The following VGLL4 variants were observed in gnomAD, a reference collection of about 807,000 sequenced individuals.
The protein encoded by VGLL4 is transcription cofactor vestigial-like protein 4.
In VGLL4, 7 loss-of-function variants were observed where a neutral mutation model predicts 21.0. The observed-to-expected ratio is 0.33, with a 90% confidence interval of 0.19 to 0.63. The LOEUF (loss-of-function observed/expected upper bound fraction) is 0.63. Among genes scored for constraint, VGLL4 ranks in the 20% least tolerant of loss-of-function variants. The pLI is 0.78. For missense variants in VGLL4, 394 were observed against 425.7 expected (o/e 0.93, Z 0.66); for synonymous variants, 222 against 173.2 (o/e 1.28, Z -2.21).
intron 2 of VGLL4, among the ~76,000 whole-genome samples, chr3:11,700,201 C>A (rs1281670149): frequency 6.6e-6 from 1 of 152,106 alleles, no homozygotes; most frequent in African/African-American, 2.4e-5. Context: ...AGGTAGGCCT[C>A]CAACTGGAAC....
rs139823468 is a variant in VGLL4, at chr3:11,649,895, A to ATTTGGTTTGGTTTGG, written c.65-47888_65-47874dup. ...CTCCCCCACAGCACACAAGTGCTCT[A>ATTTGGTTTGGTTTGG]TTTGGTTTGGTTTGGTTTGGTTTGG... On this transcript the variant is annotated intron_variant, in intron 2 of 5. Transcript: ENST00000273038. Among the ~76,000 whole-genome samples, 50 of 144,626 alleles carry ATTTGGTTTGGTTTGG rather than the reference A, an allele frequency of 3.5e-4. No homozygotes were observed. The East Asian group carries it at 7.7e-3, about 22-fold the overall frequency. The allele number at this position is 144,626 out of a possible 152,430, so 94.9% of individuals were successfully genotyped here. A position where few individuals can be genotyped will look rare whatever the true frequency, so the allele number is the denominator to read the frequency against.
At chr3:11,610,426 C>T (rs767400547) in intron 1 of VGLL4, 4 of 152,236 alleles carry the variant, frequency 2.6e-5, no homozygotes, top group African/African-American at 4.8e-5. Flanking sequence ...AAAGCCGTGA[C>T]GTGCTGTCTG....
intron 3 of VGLL4, among the ~76,000 whole-genome samples, chr3:11,559,929 G>A (rs1408342506): frequency 6.6e-6 from 1 of 152,182 alleles, no homozygotes; most frequent in Non-Finnish European, 1.5e-5. Flanking sequence ...AAGCCAGCTC[G>A]AGTTGGCCTC....
chr3:11,721,766 A>G (rs1276824234), upstream of VGLL4: 2 of 152,210 alleles, frequency 1.3e-5, no homozygotes, highest in Admixed American at 6.5e-5. Flanking sequence ...CTCCGCCTCT[A>G]TTTGTTATAG....
At chr3:11,634,626 T>C (rs1170666322) in intron 1 of VGLL4, among the ~76,000 whole-genome samples, 2 of 151,972 alleles carry the variant, frequency 1.3e-5, no homozygotes, top group African/African-American at 4.8e-5. Flanking sequence ...TTCACTGGTG[T>C]TGCTCACCAT....
intron 1 of VGLL4, among the ~76,000 whole-genome samples, chr3:11,635,380 C>A (rs561458464): frequency 6.6e-6 from 1 of 152,186 alleles, no homozygotes; most frequent in Non-Finnish European, 1.5e-5. Flanking sequence ...TCTGTGAGCA[C>A]CAACAGAACA....
chr3:11,675,030 T>C (rs968991253), intron 2 of VGLL4, among the ~76,000 whole-genome samples: 2 of 152,222 alleles, frequency 1.3e-5, no homozygotes, highest in African/African-American at 4.8e-5. Context: ...CTTCCAACCA[T>C]CTTTTCGGTT....
chr3:11,556,336 CT>C lies in VGLL4; in HGVS notation c.*2219del, dbSNP rs2072405758. The C allele has an allele frequency of 6.5e-6, 1 of 152,768 alleles. No individual in the cohort carries two copies. The highest frequency in any genetic ancestry group is 6.5e-5 in the Admixed American group (1 of 15,276). The allele number at this position is 152,768 out of a possible 1,614,324, so 9.5% of individuals were successfully genotyped here. A position where few individuals can be genotyped will look rare whatever the true frequency, so the allele number is the denominator to read the frequency against. ...GCTGCCTCCTCTGCCCCAGGCCCCC[CT>C]CCAGGGTACTGCCTATCCCAGATAG... On this transcript the variant is annotated 3_prime_UTR_variant, in exon 5 of 5. Transcript: ENST00000430365.
At chr3:11,709,249 A>T (rs1354196187) in intron 1 of VGLL4, among the ~76,000 whole-genome samples, 2 of 151,662 alleles carry the variant, frequency 1.3e-5, no homozygotes, top group Non-Finnish European at 2.9e-5. Context: ...GAGCCTGGCC[A>T]ACATAGAGAA....
At chr3:11,637,735 A>G (rs1172862900) in intron 1 of VGLL4, among the ~76,000 whole-genome samples, 2 of 151,736 alleles carry the variant, frequency 1.3e-5, no homozygotes, top group Non-Finnish European at 2.9e-5. Flanking sequence ...TCAGAAAGGA[A>G]AGGAGAGCAA....
intron 2 of VGLL4, among the ~76,000 whole-genome samples, chr3:11,601,114 G>C (rs533450604): frequency 1.2e-4 from 18 of 152,336 alleles, no homozygotes; most frequent in African/African-American, 4.3e-4. Flanking sequence ...GAAGCGGGAG[G>C]CTTTTCCAGT....
At chr3:11,666,227 G>A (rs2076123624) in intron 2 of VGLL4, among the ~76,000 whole-genome samples, 1 of 151,280 alleles carries the variant, frequency 6.6e-6, no homozygotes, top group Non-Finnish European at 1.5e-5. Flanking sequence ...CTCCAGCCTG[G>A]GTGAGAGCGA....
At chr3:11,566,215 T>TA (rs1456645036) in intron 2 of VGLL4, among the ~76,000 whole-genome samples, 2 of 151,838 alleles carry the variant, frequency 1.3e-5, no homozygotes, top group African/African-American at 4.8e-5. Flanking sequence ...CACTGAATGT[T>TA]ACACACACGC....
At chr3:11,638,684 A>C (rs2075633178) in intron 1 of VGLL4, among the ~76,000 whole-genome samples, 2 of 152,196 alleles carry the variant, frequency 1.3e-5, no homozygotes. Flanking sequence ...GTCACTTGAT[A>C]TGCAGGGCTG....
chr3:11,678,709 CTTTG>C (rs1395067998), intron 2 of VGLL4, among the ~76,000 whole-genome samples: 5 of 152,218 alleles, frequency 3.3e-5, no homozygotes, highest in East Asian at 1.9e-4. Context: ...CATTCTCCCT[CTTTG>C]TTTATGTTGG....
At chr3:11,667,909 A>G (rs1032615815) in intron 2 of VGLL4, among the ~76,000 whole-genome samples, 3 of 126,162 alleles carry the variant, frequency 2.4e-5, no homozygotes, top group African/African-American at 9.5e-5. Context: ...GCTAGAGTGA[A>G]GTGGCGTGAT....
rs887622060 is a variant in VGLL4, at chr3:11,558,426, G to A, written c.*130C>T. 29 of 1,387,140 alleles carry A rather than the reference G, an allele frequency of 2.1e-5. No homozygotes were observed. The highest frequency in any genetic ancestry group is 1.9e-6 in the Non-Finnish European group (2 of 1,050,338). 85.9% of individuals were successfully genotyped at this position (1,387,140 alleles called of 1,614,324 possible). A position where few individuals can be genotyped will look rare whatever the true frequency, so the allele number is the denominator to read the frequency against. On this transcript the variant is annotated 3_prime_UTR_variant, in exon 5 of 5. Transcript: ENST00000430365. ...ACAGAACACAAATCCCAACAACATG[G>A]TTTTTGCAAATAAACCATCCCTTCC...
intron 1 of VGLL4, among the ~76,000 whole-genome samples, chr3:11,711,594 G>A (rs1187275191): frequency 6.6e-6 from 1 of 151,960 alleles, no homozygotes; most frequent in African/African-American, 2.4e-5. Context: ...GCGTATGCCT[G>A]TAGTCCCAGC....
intron 1 of VGLL4, among the ~76,000 whole-genome samples, chr3:11,707,318 A>G (rs1183487228): frequency 5.6e-5 from 2 of 35,428 alleles, no homozygotes; most frequent in Non-Finnish European, 1.6e-4. Flanking sequence ...ACAGAGCCAG[A>G]CCCTGCCTCA....
Sources: gnomAD v4.1 joint callset for allele counts (sites outside exome capture counted in the v4.1 genomes callset) on GRCh38, gnomAD v4.1.1 for gene constraint, MANE v1.5 for transcripts, NCBI Gene and HGNC (gene_info 2026-07-23, HGNC 2026-07-21) for gene names.